The following GRM8 variants were observed in gnomAD, a reference collection of about 807,000 sequenced individuals.
The protein encoded by GRM8 is glutamate metabotropic receptor 8, also known as metabotropic glutamate receptor 8.
GRM8 carries 47 observed loss-of-function variants against 87.2 expected under a neutral mutation model. The observed-to-expected ratio is 0.54, with a 90% CI of 0.43 to 0.69. The LOEUF (loss-of-function observed/expected upper bound fraction) is 0.69. Among genes scored for constraint, GRM8 ranks in the 30% least tolerant of loss-of-function variants. GRM8 has a pLI of 0.00. For synonymous variants in GRM8, 396 were observed against 404.5 expected (o/e 0.98, Z 0.25); for missense variants, 1,019 against 1,139.2 (o/e 0.89, Z 1.52).
chr7:126,823,708 C>T lies in GRM8; in HGVS notation c.1157-53643G>A, dbSNP rs531429480. On this transcript the variant is annotated intron_variant, in intron 6 of 10. Coordinates refer to ENST00000339582, the MANE Select transcript of GRM8 (RefSeq NM_000845.3). ...TTCTTTTTTTCATTCTACGTTTCTG[C>T]AATCAATGTGTATGTTAAACTCAGA... 1.3e-5 allele frequency among the ~76,000 whole-genome samples: 2 copies of T among 152,164 alleles called. 1 individual carries two copies. The highest frequency in any genetic ancestry group is 4.2e-4 in the South Asian group (2 of 4,816).
intron 3 of GRM8, among the ~76,000 whole-genome samples, chr7:126,943,234 T>C (rs140524518): frequency 3.0e-4 from 45 of 152,288 alleles, no homozygotes; most frequent in African/African-American, 1.0e-3. Flanking sequence ...AATCCAGAGA[T>C]CACACCAGTC....
chr7:126,779,503 C>T (rs1277630519), intron 6 of GRM8, among the ~76,000 whole-genome samples: 1 of 151,946 alleles, frequency 6.6e-6, no homozygotes, highest in Admixed American at 6.6e-5. Flanking sequence ...ACTAATTAAA[C>T]CAGTTCAAAA....
chr7:126,849,167 A>G (rs948916341), intron 6 of GRM8, among the ~76,000 whole-genome samples: 1 of 152,192 alleles, frequency 6.6e-6, no homozygotes, highest in African/African-American at 2.4e-5. Context: ...CAGCCAAACC[A>G]TATCACCCTG....
At chr7:126,569,928 T>C (rs1443789082) in intron 8 of GRM8, among the ~76,000 whole-genome samples, 1 of 152,166 alleles carries the variant, frequency 6.6e-6, no homozygotes, top group Non-Finnish European at 1.5e-5. Flanking sequence ...CTTGGAGTTA[T>C]CAACGAGGGC....
chr7:127,144,248 A>G (rs1235867232), intron 2 of GRM8, among the ~76,000 whole-genome samples: 1 of 152,148 alleles, frequency 6.6e-6, no homozygotes, highest in Non-Finnish European at 1.5e-5. Context: ...CATAAAGTTT[A>G]TCAAGAAGAA....
chr7:126,479,722 C>T (rs138794907), intron 9 of GRM8, among the ~76,000 whole-genome samples: 1 of 147,844 alleles, frequency 6.8e-6, no homozygotes, highest in African/African-American at 2.5e-5. Context: ...CAAACTTTAT[C>T]GTGGAGATGA....
chr7:126,902,907 T>C (rs936113334), intron 5 of GRM8, among the ~76,000 whole-genome samples: 2 of 152,112 alleles, frequency 1.3e-5, no homozygotes, highest in African/African-American at 4.8e-5. Flanking sequence ...AGCACCTGGC[T>C]CTATGAATAA....
At chr7:126,666,301 A>G (rs989077373) in intron 7 of GRM8, among the ~76,000 whole-genome samples, 1 of 152,142 alleles carries the variant, frequency 6.6e-6, no homozygotes, top group Non-Finnish European at 1.5e-5. Flanking sequence ...ATGCACGGTA[A>G]TAGCAGATAT....
At chr7:126,816,627 C>CATG (rs751131067) in intron 6 of GRM8, among the ~76,000 whole-genome samples, 103 of 151,666 alleles carry the variant, frequency 6.8e-4, no homozygotes, top group African/African-American at 9.4e-4. Flanking sequence ...GATTAAATGT[C>CATG]ATGATGATGA....
rs1794987159 is a variant in GRM8, at chr7:126,827,987, T to C, written c.1157-57922A>G. Among the ~76,000 whole-genome samples the C allele has an allele frequency of 2.0e-5, 3 of 152,266 alleles. No homozygotes were observed. The South Asian group carries it at 6.2e-4, about 31-fold the overall frequency. ...GAGATAATCATGTGGTTTTTGTTTTTGGTTCTGTTTATATGCTGGATTACA... is the reference window on the plus strand; with the variant it reads ...GAGATAATCATGTGGTTTTTGTTTTCGGTTCTGTTTATATGCTGGATTACA... On this transcript the variant is annotated intron_variant, in intron 6 of 10. Transcript: ENST00000339582.
chr7:126,886,988 C>T (rs1031280886), intron 6 of GRM8, among the ~76,000 whole-genome samples: 1 of 151,914 alleles, frequency 6.6e-6, no homozygotes, highest in African/African-American at 2.4e-5. Context: ...AGAAATGTGT[C>T]CAGACAAAGA....
chr7:126,684,772 C>T (rs10224336), intron 7 of GRM8, among the ~76,000 whole-genome samples: 8,942 of 152,212 alleles, frequency 0.059, 798 homozygotes, highest in African/African-American at 0.19. Context: ...GATGGGAGCC[C>T]GTACATCTTG....
chr7:126,830,147 A>G (rs560881411), intron 6 of GRM8, among the ~76,000 whole-genome samples: 1 of 151,958 alleles, frequency 6.6e-6, no homozygotes, highest in South Asian at 2.1e-4. Context: ...TTTTTCCTTC[A>G]TTTCAACTTT....
At chr7:126,624,986 C>T (rs1226666473) in intron 7 of GRM8, among the ~76,000 whole-genome samples, 1 of 152,192 alleles carries the variant, frequency 6.6e-6, no homozygotes, top group Non-Finnish European at 1.5e-5. Context: ...ATAAAACAAA[C>T]TTCTATTCTG....
At chr7:127,026,833 C>CTTTAG (rs1341791939) in intron 3 of GRM8, among the ~76,000 whole-genome samples, 1 of 151,500 alleles carries the variant, frequency 6.6e-6, no homozygotes, top group East Asian at 1.9e-4. Context: ...TGCAGAAGCT[C>CTTTAG]TTTAATTAGA....
chr7:126,532,764 GAT>G (rs521), intron 9 of GRM8, among the ~76,000 whole-genome samples, 186 bp downstream of exon 9: 300 of 110,400 alleles, frequency 2.7e-3, no homozygotes, highest in Middle Eastern at 4.5e-3. Context: ...GACGGATGGA[GAT>G]ATATATATAT....
At chr7:126,874,658 G>T (rs894114742) in intron 6 of GRM8, among the ~76,000 whole-genome samples, 5 of 152,002 alleles carry the variant, frequency 3.3e-5, no homozygotes, top group Admixed American at 6.6e-5. Flanking sequence ...ATTCATTAAG[G>T]TTCACAAAGC....
intron 2 of GRM8, among the ~76,000 whole-genome samples, chr7:127,189,336 T>C (rs549138909): frequency 6.6e-6 from 1 of 152,298 alleles, no homozygotes; most frequent in South Asian, 2.1e-4. Flanking sequence ...GTGGCTTTAT[T>C]TAGGACTGGC....
intron 3 of GRM8, among the ~76,000 whole-genome samples, chr7:127,044,045 A>C (rs1818694149): frequency 6.6e-6 from 1 of 152,216 alleles, no homozygotes; most frequent in Non-Finnish European, 1.5e-5. Context: ...TCCCTTGCTC[A>C]GAAGGGAGAG....
Sources: allele counts gnomAD v4.1 joint callset (sites outside exome capture counted in the v4.1 genomes callset), GRCh38; gene constraint gnomAD v4.1.1; transcripts MANE v1.5; gene names NCBI Gene and HGNC (gene_info 2026-07-23, HGNC 2026-07-21).